KCTD1: variants seen among roughly 807,000 people sequenced by gnomAD.
KCTD1 encodes the protein BTB/POZ domain-containing protein KCTD1.
KCTD1 carries 24 observed loss-of-function variants against 66.0 expected under a neutral mutation model. That is an observed-to-expected ratio of 0.36 (90% CI 0.26 to 0.51). KCTD1 has a LOEUF of 0.51. KCTD1 is among the 20% of genes least tolerant of loss of function. The pLI is 0.95. For missense variants in KCTD1, 943 were observed against 1,205.2 expected (o/e 0.78, Z 3.22); for synonymous variants, 511 against 517.2 (o/e 0.99, Z 0.16).
At chr18:26,627,323 C>A (rs1987524731) in intron 1 of KCTD1, among the ~76,000 whole-genome samples, 2 of 147,624 alleles carry the variant, frequency 1.4e-5, no homozygotes, top group African/African-American at 2.5e-5. Context: ...AAGCTTAATG[C>A]CAGTAAGCCT....
chr18:26,616,462 C>CATATATATATATAT (rs10639008), intron 1 of KCTD1, among the ~76,000 whole-genome samples: 5 of 147,520 alleles, frequency 3.4e-5, no homozygotes, highest in African/African-American at 1.3e-4. Context: ...CCCTTACATA[C>CATATATATATATAT]ATATATATAT....
chr18:26,626,689 G>C (rs552116038), intron 1 of KCTD1, among the ~76,000 whole-genome samples: 12 of 152,164 alleles, frequency 7.9e-5, no homozygotes, highest in Admixed American at 1.3e-4. Flanking sequence ...TGCCTAGGCT[G>C]GTTTTGAATT....
intron 1 of KCTD1, among the ~76,000 whole-genome samples, chr18:26,576,305 A>C (rs2144909278): frequency 6.6e-6 from 1 of 152,356 alleles, no homozygotes; most frequent in East Asian, 1.9e-4. Context: ...GTAGGAATTC[A>C]GTATATATTT....
chr18:26,606,147 G>C (rs1225428492), intron 1 of KCTD1, among the ~76,000 whole-genome samples: 2 of 152,198 alleles, frequency 1.3e-5, no homozygotes, highest in Non-Finnish European at 1.5e-5. Context: ...TTAAGATAAG[G>C]GGTTGTGGAG....
At chr18:26,530,336 G>A (rs1984376914) in intron 1 of KCTD1, among the ~76,000 whole-genome samples, 1 of 152,140 alleles carries the variant, frequency 6.6e-6, no homozygotes, top group Non-Finnish European at 1.5e-5. Context: ...GGTTGAGCCA[G>A]GGAAAGACAG....
intron 1 of KCTD1, among the ~76,000 whole-genome samples, chr18:26,508,724 TCTCTCACA>T (rs1385770792): frequency 2.0e-5 from 3 of 151,914 alleles, no homozygotes; most frequent in South Asian, 2.1e-4. Context: ...TCTCTCTCTC[TCTCTCACA>T]CACACACACA....
intron 1 of KCTD1, among the ~76,000 whole-genome samples, chr18:26,623,942 T>C (rs1231945719): frequency 6.6e-6 from 1 of 152,186 alleles, no homozygotes; most frequent in Non-Finnish European, 1.5e-5. Context: ...AAAATGCTGA[T>C]AGTGACATGG....
intron 1 of KCTD1, among the ~76,000 whole-genome samples, chr18:26,555,577 G>C (rs1985687982): frequency 6.6e-6 from 1 of 152,190 alleles, no homozygotes; most frequent in South Asian, 2.1e-4. Context: ...TTTACTTGTA[G>C]TTTGGTAAAG....
At chr18:26,506,838 G>T (rs1343502797) in intron 1 of KCTD1, among the ~76,000 whole-genome samples, 2 of 152,132 alleles carry the variant, frequency 1.3e-5, no homozygotes, top group Admixed American at 1.3e-4. Flanking sequence ...TGAGACTGAG[G>T]AACTGAATCT....
At chr18:26,569,847 A>G (rs1986062533) in intron 1 of KCTD1, among the ~76,000 whole-genome samples, 1 of 152,220 alleles carries the variant, frequency 6.6e-6, no homozygotes, top group South Asian at 2.1e-4. Flanking sequence ...GGAATAATAC[A>G]TTGTCTGAGA....
At chr18:26,644,387 G>A (rs926504648), upstream of KCTD1, among the ~76,000 whole-genome samples, 14 of 152,124 alleles carry the variant, frequency 9.2e-5, no homozygotes, top group Admixed American at 1.3e-4. Flanking sequence ...TGAGAATGCT[G>A]TGGAAACAAG....
chr18:26,630,355 A>T (rs1987592630), upstream of KCTD1, among the ~76,000 whole-genome samples: 1 of 152,142 alleles, frequency 6.6e-6, no homozygotes, highest in African/African-American at 2.4e-5. Context: ...TCTCACTGTC[A>T]TCCAGGCTGG....
At chr18:26,586,394 C>A (rs1283800873) in intron 1 of KCTD1, among the ~76,000 whole-genome samples, 2 of 152,196 alleles carry the variant, frequency 1.3e-5, no homozygotes, top group African/African-American at 4.8e-5. Context: ...GACTGCTCCA[C>A]CAACCAGCTG....
intron 1 of KCTD1, among the ~76,000 whole-genome samples, chr18:26,514,002 G>A (rs575320451): frequency 1.3e-5 from 2 of 152,298 alleles, no homozygotes; most frequent in South Asian, 2.1e-4. Context: ...AAAATATGGT[G>A]CTTAATAAGC....
rs566544940 is a variant in KCTD1, at chr18:26,545,386, A to C, written c.1809+1342T>G. ...ATAGACTACACACCTGAAGTACAGAAGACACATAGCCTACAGGTCTTGTGT... is the reference window on the plus strand; with the variant it reads ...ATAGACTACACACCTGAAGTACAGACGACACATAGCCTACAGGTCTTGTGT... On this transcript the variant is annotated intron_variant, in intron 1 of 4. Transcript: ENST00000580059. The C allele has an allele frequency of 2.6e-5, 4 of 152,354 alleles. No individual in the cohort carries two copies. In the East Asian group the frequency reaches 5.8e-4, roughly 22 times the overall value. 9.4% of individuals were successfully genotyped at this position (152,354 alleles called of 1,614,324 possible).
chr18:26,588,862 G>A (rs1385635164), intron 1 of KCTD1, among the ~76,000 whole-genome samples: 2 of 117,922 alleles, frequency 1.7e-5, no homozygotes, highest in Non-Finnish European at 3.7e-5. Context: ...CACAAGAATC[G>A]AATGCAAAGC....
In KCTD1 at chr18:26,547,651, T is replaced by A; in HGVS notation, c.886A>T (p.Ser296Cys). ...AAGGGCGTGTTGGTGCTGAAGACGC[T>A]GGAGGTGTACAGCTTGCGCAGGTCG... ...RADLRKLYTS[S>C]VFSTNTPFGL... Residue 296 changes from serine (S) to cysteine (C), a missense_variant, in exon 1 of 5, where the codon AGC (serine) becomes TGC (cysteine). Around this residue, in one of 10 missense-constraint regions of KCTD1, gnomAD observed 61 missense variants for 109.6 expected, o/e 0.56. Coordinates refer to ENST00000580059, the MANE Select transcript of KCTD1 (RefSeq NM_001142730.3). 6.4e-7 allele frequency: 1 copy of A among 1,551,594 alleles called. No homozygotes were observed. The highest frequency in any genetic ancestry group is 8.7e-7 in the Non-Finnish European group (1 of 1,146,988).
At chr18:26,598,497 C>CACACACAT (rs1555645999) in intron 1 of KCTD1, among the ~76,000 whole-genome samples, 2 of 151,408 alleles carry the variant, frequency 1.3e-5, no homozygotes, top group African/African-American at 2.4e-5. Flanking sequence ...CACACACACA[C>CACACACAT]GTTTTTGATT....
At chr18:26,496,874 G>A (rs1357460203) in intron 2 of KCTD1, among the ~76,000 whole-genome samples, 1 of 152,184 alleles carries the variant, frequency 6.6e-6, no homozygotes. Flanking sequence ...CATTGAGGAA[G>A]AGGCCTACAT....
Sources: allele counts gnomAD v4.1 joint callset (sites outside exome capture counted in the v4.1 genomes callset), GRCh38; gene constraint gnomAD v4.1.1; regional missense constraint gnomAD v4.1.1; transcripts MANE v1.5; gene names NCBI Gene and HGNC (gene_info 2026-07-23, HGNC 2026-07-21).